The following DNAH7 variants were observed in gnomAD, a reference collection of about 807,000 sequenced individuals.
DNAH7 encodes dynein axonemal heavy chain 7, also known as axonemal beta dynein heavy chain 7.
DNAH7 carries 397 observed loss-of-function variants against 444.6 expected under a neutral mutation model. The observed-to-expected ratio is 0.89, with a 90% CI of 0.82 to 0.97. DNAH7 has a LOEUF of 0.97. Ranked by LOEUF, DNAH7 falls within the 50% of genes least tolerant of loss-of-function variation. The probability of loss-of-function intolerance (pLI) is 0.00; values close to 1 mark genes in which losing one functional copy is unlikely to be tolerated. For missense variants in DNAH7, 4,902 were observed against 4,800.8 expected (o/e 1.02, Z -0.62); for synonymous variants, 1,636 against 1,624.4 (o/e 1.01, Z -0.17).
chr2:195,754,271 T>G, intron 63 of DNAH7, 66 bp downstream of exon 63: 1 of 1,469,626 alleles, frequency 6.8e-7, no homozygotes, highest in East Asian at 2.3e-5. Flanking sequence ...GAGGAAAGTA[T>G]GCTAGAATGT....
At chr2:195,749,425 G>A (rs1005760145) in intron 63 of DNAH7, among the ~76,000 whole-genome samples, 5 of 152,028 alleles carry the variant, frequency 3.3e-5, no homozygotes, top group African/African-American at 7.3e-5. Flanking sequence ...TCAGTGTGGC[G>A]ATTCCTCAGG....
At chr2:195,855,228 T>C (rs930517842) in intron 45 of DNAH7, among the ~76,000 whole-genome samples, 2 of 152,256 alleles carry the variant, frequency 1.3e-5, no homozygotes, top group African/African-American at 2.4e-5. Context: ...TGTTATAAAA[T>C]ATTATGAATT....
intron 21 of DNAH7, among the ~76,000 whole-genome samples, chr2:195,933,144 G>GA (rs1186806514): frequency 6.6e-6 from 1 of 152,050 alleles, no homozygotes; most frequent in Non-Finnish European, 1.5e-5. Flanking sequence ...AAAGACACAT[G>GA]AAAAAATGCT....
chr2:195,741,030 C>A, intron 63 of DNAH7, 161 bp from the exon 64 acceptor site: 1 of 326,654 alleles, frequency 3.1e-6, no homozygotes, highest in Non-Finnish European at 5.6e-6. Context: ...TTTTAACATC[C>A]ATATTTCAAG....
chr2:195,849,033 T>C lies in DNAH7; in HGVS notation c.8782-3868A>G, dbSNP rs139723087. Reference sequence around the variant, plus strand: ...ATAAGCATTCTGCGGGGAGATACTTTGTAACCATGAAAATGTCCTGTTTTT... The same window carrying C: ...ATAAGCATTCTGCGGGGAGATACTTCGTAACCATGAAAATGTCCTGTTTTT... On this transcript the variant is annotated intron_variant, in intron 46 of 64. Coordinates refer to ENST00000312428, the MANE Select transcript of DNAH7 (RefSeq NM_018897.3). Among the ~76,000 whole-genome samples the C allele has an allele frequency of 3.5e-3, 528 of 152,364 alleles. 3 individuals carry two copies. Among genetic ancestry groups the C allele is most frequent in the African/African-American group, 0.012 (509 of 41,570 alleles).
chr2:195,813,066 T>A (rs1697045550), intron 51 of DNAH7, among the ~76,000 whole-genome samples: 1 of 152,146 alleles, frequency 6.6e-6, no homozygotes, highest in Non-Finnish European at 1.5e-5. Context: ...TCAATTTCAT[T>A]CCTGGATATA....
In DNAH7 at chr2:195,875,723, T is replaced by C. The variant is rs775225346; in HGVS notation, c.6238A>G (p.Met2080Val). The stretch of plus-strand genomic sequence containing the variant: ...ATCTGAATGTCCACTAGTTTAATCA[T>C]GGAACAATCTTTTAGATCATACCAG... ...WNWYDLKDCS[M>V]IKLVDIQIMC... Residue 2080 changes from methionine (M) to valine (V), a missense_variant, in exon 38 of 65, where the codon ATG (methionine) becomes GTG (valine). Physicochemically the swap from Met to Val is conservative, Grantham distance 21 (BLOSUM62 1). Transcript: ENST00000312428. 2.5e-6 allele frequency: 4 copies of C among 1,611,070 alleles called. No individual in the cohort carries two copies. In the Admixed American group the frequency reaches 5.1e-5, roughly 20 times the overall value.
In DNAH7 at chr2:195,960,716, T is replaced by C. The variant is rs548059211; in HGVS notation, c.2435A>G (p.Lys812Arg). The change falls in exon 18 of 65, where the codon AAA becomes AGA. Residue 812 changes from lysine (K) to arginine (R), a missense_variant. Physicochemically the swap from Lys to Arg is conservative, Grantham distance 26. Transcript: ENST00000312428. ...NYWRGLYKLE[K>R]TFHDSPYALA... ...TGCATATGGAGAATCATGAAAGGTT[T>C]TCTCCAGTTTATATAATCCTCTCCA... 5.6e-6 allele frequency: 9 copies of C among 1,614,214 alleles called. No individual in the cohort carries two copies. In the African/African-American group the frequency reaches 6.7e-5, roughly 12 times the overall value.
intron 63 of DNAH7, among the ~76,000 whole-genome samples, chr2:195,750,499 A>T (rs1008048936): frequency 6.6e-6 from 1 of 152,246 alleles, no homozygotes; most frequent in Admixed American, 6.5e-5. Flanking sequence ...TCTGAATTAA[A>T]TACTTAAGAA....
intron 21 of DNAH7, among the ~76,000 whole-genome samples, chr2:195,933,372 C>T (rs1688831222): frequency 6.6e-6 from 1 of 152,074 alleles, no homozygotes; most frequent in African/African-American, 2.4e-5. Context: ...CTAGAAATAC[C>T]ATTTGACCCA....
intron 46 of DNAH7, among the ~76,000 whole-genome samples, chr2:195,850,038 G>C (rs577609940): frequency 6.6e-6 from 1 of 152,204 alleles, no homozygotes; most frequent in Non-Finnish European, 1.5e-5. Flanking sequence ...GGAAGAAGTA[G>C]AGAAAATAGA....
At position 195,737,707 on chromosome 2, in the gene DNAH7, AGT is replaced by A. The variant is rs1008608311; in HGVS notation, c.*212_*213del. 7 of 444,192 alleles carry A rather than the reference AGT, an allele frequency of 1.6e-5. No individual in the cohort carries two copies. The highest frequency in any genetic ancestry group is 4.3e-5 in the African/African-American group (2 of 46,530). The allele number at this position is 444,192 out of a possible 1,614,324, so 27.5% of individuals were successfully genotyped here. ...GTTACTCAAAGAGAGCAAATATGCCAGTGTGTTTTCTTTAGTCTTTATTTCAG... is the reference window on the plus strand; with the variant it reads ...GTTACTCAAAGAGAGCAAATATGCCAGTGTTTTCTTTAGTCTTTATTTCAG... On this transcript the variant is annotated 3_prime_UTR_variant, in exon 65 of 65. Coordinates refer to ENST00000312428, the MANE Select transcript of DNAH7 (RefSeq NM_018897.3).
At chr2:196,056,180 C>T (rs1441676354) in intron 2 of DNAH7, among the ~76,000 whole-genome samples, 1 of 152,076 alleles carries the variant, frequency 6.6e-6, no homozygotes, top group Non-Finnish European at 1.5e-5. Flanking sequence ...CGCAGTGGTT[C>T]ACGCCTGTAA....
intron 19 of DNAH7, among the ~76,000 whole-genome samples, chr2:195,953,388 T>C (rs1192030439): frequency 6.6e-6 from 1 of 152,156 alleles, no homozygotes; most frequent in Non-Finnish European, 1.5e-5. Context: ...CTGGGAGGTA[T>C]TTCCCAGTCA....
rs563876284 is a variant in DNAH7 at position 195,830,211 on chromosome 2, A to G, written c.9100+3995T>C. Reference sequence around the variant, plus strand: ...ATTCTCAAGCACCAGACATCACAGTATTTGCAAAGCTTATGGGAAATCAAG... The same window carrying G: ...ATTCTCAAGCACCAGACATCACAGTGTTTGCAAAGCTTATGGGAAATCAAG... On this transcript the variant is annotated intron_variant, in intron 48 of 64. Transcript: ENST00000312428. Among the ~76,000 whole-genome samples the G allele has an allele frequency of 1.1e-3, 165 of 152,258 alleles. 2 individuals carry two copies. Among genetic ancestry groups the G allele is most frequent in the African/African-American group, 3.8e-3 (157 of 41,560 alleles).
intron 63 of DNAH7, among the ~76,000 whole-genome samples, chr2:195,741,390 C>T (rs1693022531): frequency 6.6e-6 from 1 of 152,186 alleles, no homozygotes; most frequent in Non-Finnish European, 1.5e-5. Context: ...TGATGAAAGA[C>T]ACATGATGAA....
Position 195,960,463 on chromosome 2 carries a change from G to C in DNAH7, c.2688C>G (p.Ser896Arg). The change falls in exon 18 of 65, where the codon AGC becomes AGG. Residue 896 changes from serine to arginine, a missense_variant. Physicochemically the swap from Ser to Arg is moderately radical, Grantham distance 110 (BLOSUM62 -1). Transcript: ENST00000312428. ...DRFEGISEAA[S>R]KEYSLEKAME... ...TCGCCTTTTCAAGAGAATATTCTTT[G>C]CTAGCTGCTTCACTAATACCTTCAA... The C allele has an allele frequency of 6.2e-7, 1 of 1,614,116 alleles. No individual in the cohort carries two copies. Among genetic ancestry groups the C allele is most frequent in the South Asian group, 1.1e-5 (1 of 91,074 alleles).
intron 34 of DNAH7, 134 bp from the exon 35 acceptor site, chr2:195,884,943 T>C: frequency 1.5e-6 from 1 of 664,048 alleles, no homozygotes; most frequent in Admixed American, 3.1e-5. Flanking sequence ...TAGTAGGTCA[T>C]CTCAGGATTT....
chr2:195,770,782 G>A (rs1559083584), intron 61 of DNAH7, among the ~76,000 whole-genome samples: 1 of 151,770 alleles, frequency 6.6e-6, no homozygotes, highest in Non-Finnish European at 1.5e-5. Context: ...GGGTAGGATC[G>A]TAGCTTACTG....
Sources: gnomAD v4.1 joint callset for allele counts (sites outside exome capture counted in the v4.1 genomes callset) on GRCh38, gnomAD v4.1.1 for gene constraint, MANE v1.5 for transcripts, NCBI Gene and HGNC (gene_info 2026-07-23, HGNC 2026-07-21) for gene names.